Variants in PCNP observed in about 807,000 individuals in gnomAD.
PCNP encodes PEST proteolytic signal containing nuclear protein, also known as PEST proteolytic signal-containing nuclear protein.
PCNP carries 6 observed loss-of-function variants against 21.8 expected under a neutral mutation model. The observed-to-expected ratio is 0.28, with a 90% CI of 0.15 to 0.54. The LOEUF (loss-of-function observed/expected upper bound fraction) is 0.54, where lower values mean the gene tolerates loss of function less well. PCNP is among the 20% of genes least tolerant of loss of function. PCNP has a pLI of 0.95. For missense variants in PCNP, 161 were observed against 215.5 expected, an observed-to-expected ratio of 0.75 and a Z score of 1.58; for synonymous variants, 67 against 73.2, an observed-to-expected ratio of 0.92 and a Z score of 0.43.
intron 2 of PCNP, among the ~76,000 whole-genome samples, chr3:101,582,342 A>G (rs1935268115): frequency 6.6e-6 from 1 of 152,118 alleles, no homozygotes; most frequent in Admixed American, 6.5e-5. Context: ...AGTCCCAGCT[A>G]CTGGGGAGGC....
chr3:101,580,347 G>A (rs973211561), intron 2 of PCNP, among the ~76,000 whole-genome samples: 3 of 152,064 alleles, frequency 2.0e-5, no homozygotes, highest in Admixed American at 6.6e-5. Flanking sequence ...GGGAGGACCA[G>A]TTGAGCCCAG....
chr3:101,588,228 G>A (rs760491112), intron 3 of PCNP, among the ~76,000 whole-genome samples: 32 of 152,136 alleles, frequency 2.1e-4, no homozygotes, highest in Non-Finnish European at 2.5e-4. Flanking sequence ...CCGAGATCGC[G>A]CCACTGCACT....
chr3:101,576,836 G>C lies in PCNP; in HGVS notation c.64+2557G>C, dbSNP rs955887069. ...CTCAACACCACATGAGCATATCTTC[G>C]GCCCACACCCTTAATGGCAGTGATG... On this transcript the variant is annotated intron_variant, in intron 1 of 4. Transcript: ENST00000265260. 6 of 1,609,288 alleles carry C rather than the reference G, an allele frequency of 3.7e-6. No homozygotes were observed. The African/African-American group carries it at 6.7e-5, about 18-fold the overall frequency.
intron 2 of PCNP, among the ~76,000 whole-genome samples, chr3:101,581,960 G>C (rs572536688): frequency 8.7e-5 from 13 of 149,250 alleles, no homozygotes; most frequent in Non-Finnish European, 1.9e-4. Flanking sequence ...GGCTGGTCTC[G>C]AACTCCCGAC....
Position 101,593,591 on chromosome 3 carries a change from A to T in PCNP, c.*838A>T, listed in dbSNP as rs1281567113. 2 of 152,632 alleles carry T rather than the reference A, an allele frequency of 1.3e-5. No individual in the cohort carries two copies. Among genetic ancestry groups the T allele is most frequent in the African/African-American group, 4.8e-5 (2 of 41,454 alleles). 9.5% of individuals were successfully genotyped at this position (152,632 alleles called of 1,614,324 possible). A position where few individuals can be genotyped will look rare whatever the true frequency, so the allele number is the denominator to read the frequency against. ...AAAATTTAAATGTACATATTGCTTA[A>T]GTATTTGGCTGTTTTTATTTTTTAA... On this transcript the variant is annotated 3_prime_UTR_variant, in exon 5 of 5. Coordinates refer to ENST00000265260, the MANE Select transcript of PCNP (RefSeq NM_020357.3).
At position 101,579,679 on chromosome 3, in the gene PCNP, G is replaced by A. The variant is rs1309278372; in HGVS notation, c.65-111G>A. On this transcript the variant is annotated intron_variant, in intron 1 of 4. Coordinates refer to ENST00000265260, the MANE Select transcript of PCNP (RefSeq NM_020357.3). ...GTGGAAGAGACTGTTGGGTCAGTAG[G>A]TGACAACTGCAGAGGTATCTTCCTT... 3 of 780,306 alleles carry A rather than the reference G, an allele frequency of 3.8e-6. No individual in the cohort carries two copies. The South Asian group carries it at 4.2e-5, about 11-fold the overall frequency. The allele number at this position is 780,306 out of a possible 1,614,324, so 48.3% of individuals were successfully genotyped here.
At chr3:101,585,895 G>T (rs751245079) in intron 3 of PCNP, among the ~76,000 whole-genome samples, 49 of 152,246 alleles carry the variant, frequency 3.2e-4, no homozygotes, top group Admixed American at 7.2e-4. Context: ...TATTGGCTAG[G>T]CGCGGTGTCT....
At chr3:101,580,103 G>T (rs1935146605) in intron 2 of PCNP, 99 bp downstream of exon 2, 1 of 821,410 alleles carries the variant, frequency 1.2e-6, no homozygotes, top group Non-Finnish European at 2.1e-6. Context: ...GGGTGAAAAG[G>T]TACATTGTTT....
intron 3 of PCNP, among the ~76,000 whole-genome samples, chr3:101,587,744 A>G (rs2108288630): frequency 6.6e-6 from 1 of 151,994 alleles, no homozygotes; most frequent in Non-Finnish European, 1.5e-5. Context: ...TGGCATCTCT[A>G]ACATTCTTAA....
chr3:101,592,020 C>T (rs1331091295), intron 4 of PCNP, among the ~76,000 whole-genome samples: 1 of 151,960 alleles, frequency 6.6e-6, no homozygotes, highest in East Asian at 1.9e-4. Flanking sequence ...CAGTGGTTGC[C>T]ACACTTAGCT....
intron 3 of PCNP, among the ~76,000 whole-genome samples, chr3:101,586,414 G>C (rs1935508934): frequency 6.6e-6 from 1 of 151,992 alleles, no homozygotes; most frequent in Non-Finnish European, 1.5e-5. Context: ...GCATGATTCT[G>C]ACTGATGTTT....
rs1399880947 is a variant in PCNP at position 101,575,969 on chromosome 3, T to TGC, written c.64+1690_64+1691insGC. Among the ~76,000 whole-genome samples the TGC allele has an allele frequency of 2.6e-5, 4 of 152,322 alleles. No individual in the cohort carries two copies. In the East Asian group the frequency reaches 7.7e-4, roughly 29 times the overall value. On this transcript the variant is annotated intron_variant, in intron 1 of 4. Coordinates refer to ENST00000265260, the MANE Select transcript of PCNP (RefSeq NM_020357.3). Reference sequence around the variant, plus strand: ...AAATATCCCTTAACTTCTACATAATTTGTCTCCTTGCCGTTACAAGAAAGT... The same window carrying TGC: ...AAATATCCCTTAACTTCTACATAATTGCTGTCTCCTTGCCGTTACAAGAAAGT...
chr3:101,574,382 G>A, intron 1 of PCNP, 103 bp downstream of exon 1: 1 of 1,370,620 alleles, frequency 7.3e-7, no homozygotes, highest in Non-Finnish European at 9.8e-7. Flanking sequence ...GGCGGATCTG[G>A]ACCTCACCCG....
At chr3:101,590,355 GCTTTT>G in intron 4 of PCNP, 85 bp downstream of exon 4, 3 of 742,936 alleles carry the variant, frequency 4.0e-6, no homozygotes, top group Non-Finnish European at 7.0e-6. Flanking sequence ...TACAGTTCAG[GCTTTT>G]CTTGTGCATT....
At chr3:101,580,056 T>A in intron 2 of PCNP, 52 bp downstream of exon 2, 1 of 1,351,490 alleles carries the variant, frequency 7.4e-7, no homozygotes, top group Non-Finnish European at 1.1e-6. Context: ...AGGATTTGCT[T>A]TGGAAACGTG....
intron 3 of PCNP, among the ~76,000 whole-genome samples, chr3:101,586,196 A>AAT (rs1576617536): frequency 7.4e-6 from 1 of 134,788 alleles, no homozygotes; most frequent in East Asian, 2.2e-4. Context: ...AAAAAAAAAA[A>AAT]ATGTCAACTA....
chr3:101,590,519 G>T (rs756313211), intron 4 of PCNP, among the ~76,000 whole-genome samples: 1 of 152,144 alleles, frequency 6.6e-6, no homozygotes, highest in Non-Finnish European at 1.5e-5. Context: ...TCCAGTTAAA[G>T]AAAATGAGTA....
intron 4 of PCNP, 59 bp downstream of exon 4, chr3:101,590,329 C>T (rs935954078): frequency 2.3e-6 from 2 of 886,706 alleles, no homozygotes; most frequent in African/African-American, 3.4e-5. Context: ...ACAAAAATAA[C>T]TTGCACATGA....
At chr3:101,582,912 A>AT (rs1935301543) in intron 2 of PCNP, among the ~76,000 whole-genome samples, 1 of 152,236 alleles carries the variant, frequency 6.6e-6, no homozygotes, top group Admixed American at 6.5e-5. Flanking sequence ...AGCCCCCAAA[A>AT]TTAAGACCAT....
Sources: allele counts gnomAD v4.1 joint callset (sites outside exome capture counted in the v4.1 genomes callset), GRCh38; gene constraint gnomAD v4.1.1; transcripts MANE v1.5; gene names NCBI Gene and HGNC (gene_info 2026-07-23, HGNC 2026-07-21).